PPM1L: variants seen among roughly 807,000 people sequenced by gnomAD.
PPM1L encodes protein phosphatase, Mg2+/Mn2+ dependent 1L, also known as protein phosphatase 1L.
PPM1L carries 13 observed loss-of-function variants against 31.4 expected under a neutral mutation model. That is an observed-to-expected ratio of 0.41 (90% CI 0.27 to 0.66). The LOEUF is 0.66. Ranked by LOEUF, PPM1L falls within the 30% of genes least tolerant of loss-of-function variation. The pLI is 0.29. For missense variants in PPM1L, 326 were observed against 453.7 expected, an observed-to-expected ratio of 0.72 and a Z score of 2.56; for synonymous variants, 184 against 175.4, an observed-to-expected ratio of 1.05 and a Z score of -0.39.
intron 1 of PPM1L, among the ~76,000 whole-genome samples, chr3:160,827,738 G>A (rs1713400329): frequency 6.6e-6 from 1 of 152,096 alleles, no homozygotes; most frequent in African/African-American, 2.4e-5. Context: ...GTAGAAACCA[G>A]ATGGGTCAGT....
intron 1 of PPM1L, among the ~76,000 whole-genome samples, chr3:160,928,602 G>C (rs146752614): frequency 6.6e-6 from 1 of 152,302 alleles, no homozygotes; most frequent in African/African-American, 2.4e-5. Flanking sequence ...ACTCACCACA[G>C]TTTGTGTTGA....
intron 1 of PPM1L, among the ~76,000 whole-genome samples, chr3:160,767,422 AT>A (rs1715132696): frequency 6.6e-6 from 1 of 151,708 alleles, no homozygotes; most frequent in African/African-American, 2.4e-5. Context: ...TTTGGTAGAG[AT>A]GGGGTTTTGC....
At chr3:160,770,225 G>A (rs1308496131) in intron 1 of PPM1L, among the ~76,000 whole-genome samples, 1 of 152,010 alleles carries the variant, frequency 6.6e-6, no homozygotes, top group African/African-American at 2.4e-5. Flanking sequence ...CTACTTTCTA[G>A]ATAGTTGTAT....
intron 1 of PPM1L, among the ~76,000 whole-genome samples, chr3:160,873,375 C>T (rs1262879279): frequency 6.6e-6 from 1 of 152,088 alleles, no homozygotes; most frequent in Admixed American, 6.6e-5. Context: ...TTAATCATTG[C>T]TGGGAAAATT....
rs1308478232 is a variant in PPM1L at position 161,059,790 on chromosome 3, AGTGAGTTCTT to A, written c.575-5607_575-5598del. Among the ~76,000 whole-genome samples, 3 of 152,122 alleles carry A rather than the reference AGTGAGTTCTT, an allele frequency of 2.0e-5. No individual in the cohort carries two copies. The East Asian group carries it at 5.8e-4, about 29-fold the overall frequency. On this transcript the variant is annotated intron_variant, in intron 2 of 3. Coordinates refer to ENST00000498165, the MANE Select transcript of PPM1L (RefSeq NM_139245.4). Reference sequence around the variant, plus strand: ...TCCTTCTTGGTGCTGTTCTTGTGATAGTGAGTTCTTGTGAGATCTGGTTGTTTAAAAGTGT... The same window carrying A: ...TCCTTCTTGGTGCTGTTCTTGTGATAGTGAGATCTGGTTGTTTAAAAGTGT...
chr3:160,788,846 G>A (rs1318664906), intron 1 of PPM1L, among the ~76,000 whole-genome samples: 1 of 151,628 alleles, frequency 6.6e-6, no homozygotes, highest in Non-Finnish European at 1.5e-5. Flanking sequence ...TACCTGTAGG[G>A]TCTATTTCTG....
chr3:160,835,092 T>C (rs866731049), intron 1 of PPM1L, among the ~76,000 whole-genome samples: 1 of 126,440 alleles, frequency 7.9e-6, no homozygotes, highest in African/African-American at 3.2e-5. Context: ...CTTCTTTCTT[T>C]TTTCTTTCTT....
intron 2 of PPM1L, among the ~76,000 whole-genome samples, chr3:161,017,057 A>G (rs1405157256): frequency 6.6e-6 from 1 of 152,198 alleles, no homozygotes; most frequent in Non-Finnish European, 1.5e-5. Context: ...ATTTCTAGCT[A>G]GAAATGAATG....
At chr3:161,068,699 C>T in intron 3 of PPM1L, 112 bp from the exon 4 acceptor site, 2 of 830,252 alleles carry the variant, frequency 2.4e-6, no homozygotes, top group Non-Finnish European at 3.8e-6. Flanking sequence ...AAGGGGAGTG[C>T]CCACAGCCCA....
At chr3:160,853,147 C>T (rs886201844) in intron 1 of PPM1L, among the ~76,000 whole-genome samples, 1 of 152,130 alleles carries the variant, frequency 6.6e-6, no homozygotes, top group Non-Finnish European at 1.5e-5. Context: ...CTGAAAACAC[C>T]CTCTGATTGC....
chr3:160,973,768 T>TG (rs1251669584), intron 2 of PPM1L, among the ~76,000 whole-genome samples: 2 of 43,770 alleles, frequency 4.6e-5, no homozygotes, highest in Non-Finnish European at 3.9e-5. Context: ...GGCCCTGTTT[T>TG]TTTTTTTTTT....
chr3:160,834,725 C>T (rs1041045164), intron 1 of PPM1L, among the ~76,000 whole-genome samples: 1 of 152,064 alleles, frequency 6.6e-6, no homozygotes, highest in African/African-American at 2.4e-5. Context: ...ACAGAATGTC[C>T]TTGAGATCCA....
chr3:160,920,901 T>C (rs1383184833), intron 1 of PPM1L, among the ~76,000 whole-genome samples: 2 of 152,174 alleles, frequency 1.3e-5, no homozygotes, highest in African/African-American at 4.8e-5. Flanking sequence ...GCCTGCATTA[T>C]AAGATGGCCA....
intron 2 of PPM1L, among the ~76,000 whole-genome samples, chr3:160,997,115 G>A (rs760048865): frequency 9.2e-5 from 14 of 152,176 alleles, no homozygotes; most frequent in Non-Finnish European, 1.8e-4. Context: ...AAAGGTAGTG[G>A]TTGGAGAGAG....
At chr3:160,962,472 A>G (rs946531103) in intron 2 of PPM1L, among the ~76,000 whole-genome samples, 1 of 152,140 alleles carries the variant, frequency 6.6e-6, no homozygotes, top group African/African-American at 2.4e-5. Flanking sequence ...TCTGTCAGCT[A>G]AGACCCAATT....
chr3:160,981,480 C>T (rs1354089378), intron 2 of PPM1L, among the ~76,000 whole-genome samples: 3 of 152,160 alleles, frequency 2.0e-5, no homozygotes, highest in Non-Finnish European at 4.4e-5. Context: ...AAGACCAAAG[C>T]CACAGTCTTT....
chr3:160,923,257 G>T (rs1016790809), intron 1 of PPM1L, among the ~76,000 whole-genome samples: 1 of 152,198 alleles, frequency 6.6e-6, no homozygotes, highest in African/African-American at 2.4e-5. Context: ...ACTTTGGGCA[G>T]CTCCTGTTGA....
rs982554090 is a variant in PPM1L at position 161,077,158 on chromosome 3, A to G, written c.*8001A>G. 3.3e-5 allele frequency: 5 copies of G among 152,242 alleles called. No homozygotes were observed. Among genetic ancestry groups the G allele is most frequent in the African/African-American group, 9.6e-5 (4 of 41,472 alleles). 9.4% of individuals were successfully genotyped at this position (152,242 alleles called of 1,614,324 possible). A position where few individuals can be genotyped will look rare whatever the true frequency, so the allele number is the denominator to read the frequency against. On this transcript the variant is annotated 3_prime_UTR_variant, in exon 4 of 4. Coordinates refer to ENST00000498165, the MANE Select transcript of PPM1L (RefSeq NM_139245.4). ...ATTGTTATCTTCATGATTTCTTCCA[A>G]TGGGCTTAGATTTGTTGGGACAGGG... is the stretch of plus-strand genomic sequence containing the variant.
At chr3:161,036,996 A>G (rs1009500089) in intron 2 of PPM1L, among the ~76,000 whole-genome samples, 12 of 152,220 alleles carry the variant, frequency 7.9e-5, no homozygotes, top group Admixed American at 2.0e-4. Flanking sequence ...AAAATCTTTG[A>G]TAATTCTGAT....
Sources: allele counts gnomAD v4.1 joint callset (sites outside exome capture counted in the v4.1 genomes callset), GRCh38; gene constraint gnomAD v4.1.1; transcripts MANE v1.5; gene names NCBI Gene and HGNC (gene_info 2026-07-23, HGNC 2026-07-21).